The following PCNX3 variants were observed in gnomAD, a reference collection of about 807,000 sequenced individuals.
The protein encoded by PCNX3 is pecanex-like protein 3.
A neutral mutation model predicts 207.2 loss-of-function variants in PCNX3; 58 were observed. That is an observed-to-expected ratio of 0.28 (90% CI 0.23 to 0.35). The LOEUF (loss-of-function observed/expected upper bound fraction) is 0.35. PCNX3 is among the 10% of genes least tolerant of loss of function. PCNX3 has a pLI of 1.00. For synonymous variants in PCNX3, 1,337 were observed against 1,183.5 expected, an observed-to-expected ratio of 1.13 and a Z score of -2.66; for missense variants, 2,410 against 2,774.4, an observed-to-expected ratio of 0.87 and a Z score of 2.95.
chr11:65,626,095 C>T (rs11227242), intron 20 of PCNX3, 41 bp downstream of exon 20: 39,098 of 1,558,144 alleles, frequency 0.025, 572 homozygotes, highest in Middle Eastern at 0.043. Flanking sequence ...GGCAGTGGCT[C>T]GGGCTGCAGC....
chr11:65,617,718 T>C lies in PCNX3; in HGVS notation c.577+12T>C. 1 of 1,554,650 alleles carries C rather than the reference T, an allele frequency of 6.4e-7. No individual in the cohort carries two copies. Among genetic ancestry groups the C allele is most frequent in the Non-Finnish European group, 8.7e-7 (1 of 1,149,420 alleles). ...GCAGGAGAAACTGAGTGCGTGGGCC[T>C]TATGGGGCCGAGGCTTGTGGGCTAG... On this transcript the variant is annotated intron_variant, in intron 5 of 34. Coordinates refer to ENST00000355703, the MANE Select transcript of PCNX3 (RefSeq NM_032223.4).
chr11:65,626,148 G>C, intron 20 of PCNX3, 94 bp downstream of exon 20: 3 of 1,484,718 alleles, frequency 2.0e-6, no homozygotes, highest in Non-Finnish European at 1.8e-6. Flanking sequence ...AGGAGTGCCA[G>C]CAGGGGGCAC....
rs1855307379 is a variant in PCNX3 at position 65,625,015 on chromosome 11, A to G, written c.2918A>G (p.Lys973Arg). Reference sequence around the variant, plus strand: ...TACGGTTTCTGCCTTGGGGCCATCAAGGTAGGGGTGGCTTGCGAGGTGGGG... The same window carrying G: ...TACGGTTTCTGCCTTGGGGCCATCAGGGTAGGGGTGGCTTGCGAGGTGGGG... ...LLYGFCLGAI[K>R]TPWPEQHVPV... Residue 973 changes from lysine (K) to arginine (R), a missense_variant and splice_region_variant, in exon 16 of 35, where the codon AAG becomes AGG. Around this residue, in one of 8 missense-constraint regions of PCNX3, gnomAD observed 333 missense variants for 386.8 expected, o/e 0.86. Transcript: ENST00000355703. This position sits in a 1 kb window ranked among gnomAD's most constrained non-coding sequence, Gnocchi z 5.6. 1 of 1,611,766 alleles carries G rather than the reference A, an allele frequency of 6.2e-7. No homozygotes were observed. Among genetic ancestry groups the G allele is most frequent in the African/African-American group, 1.3e-5 (1 of 74,854 alleles).
chr11:65,620,152 C>G (rs534690136), intron 8 of PCNX3, among the ~76,000 whole-genome samples, 187 bp from the exon 9 acceptor site: 1 of 152,340 alleles, frequency 6.6e-6, no homozygotes, highest in South Asian at 2.1e-4. Flanking sequence ...AGATCTAAAG[C>G]TAGGACAGGT....
In PCNX3 at chr11:65,635,711, G is replaced by C; in HGVS notation, c.5367G>C (p.Ser1789=). 3.1e-6 allele frequency: 5 copies of C among 1,608,974 alleles called. No homozygotes were observed. Among genetic ancestry groups the C allele is most frequent in the Non-Finnish European group, 4.2e-6 (5 of 1,178,150 alleles). Residue 1789 remains serine (S), a synonymous_variant, in exon 32 of 35, where the codon TCG becomes TCC. Transcript: ENST00000355703. The surrounding 1 kb of genome is among the most constrained non-coding windows in gnomAD (Gnocchi z 9.9). Reference sequence around the variant, plus strand: ...TCTACGTGTCGCCTCTCACCACCTCGCTGGCTGGCAGCCACCCCCAGCTAC... The same window carrying C: ...TCTACGTGTCGCCTCTCACCACCTCCCTGGCTGGCAGCCACCCCCAGCTAC... ...YPIYVSPLTT[S]LAGSHPQLRA... is the part of the protein sequence containing the mutation.
rs1350133654 is a variant in PCNX3, at chr11:65,623,476, A to G, written c.2358-15A>G. On this transcript the variant is annotated splice_polypyrimidine_tract_variant and intron_variant, in intron 11 of 34. Transcript: ENST00000355703. ...GAGGCAAGACGGGCACGCCCTGACT[A>G]GGCTGTCCCTGCAGGACGCGGGGAG... 6.3e-7 allele frequency: 1 copy of G among 1,588,578 alleles called. No individual in the cohort carries two copies. The highest frequency in any genetic ancestry group is 2.2e-5 in the East Asian group (1 of 44,642).
chr11:65,627,255 C>CTA, intron 21 of PCNX3, 150 bp from the exon 22 acceptor site: 1 of 1,137,618 alleles, frequency 8.8e-7, no homozygotes, highest in South Asian at 1.6e-5. Context: ...AGAGCAGAGA[C>CTA]TAAGAGTCAC....
chr11:65,616,075 C>T lies in PCNX3; in HGVS notation c.-237C>T. The T allele has an allele frequency of 3.1e-6, 1 of 323,816 alleles. No homozygotes were observed. The highest frequency in any genetic ancestry group is 1.3e-4 in the South Asian group (1 of 7,884). The allele number at this position is 323,816 out of a possible 1,614,324, so 20.1% of individuals were successfully genotyped here. On this transcript the variant is annotated 5_prime_UTR_variant, in exon 1 of 35. Coordinates refer to ENST00000355703, the MANE Select transcript of PCNX3 (RefSeq NM_032223.4). ...TCTGGGCCAGGAGTGGGGACCCGGACCCCGCCCCTGATGCAGCCCCACCCC... is the reference window on the plus strand; with the variant it reads ...TCTGGGCCAGGAGTGGGGACCCGGATCCCGCCCCTGATGCAGCCCCACCCC...
In PCNX3 at chr11:65,634,149, C is replaced by T. The variant is rs1366871089; in HGVS notation, c.4494C>T (p.Arg1498=). ...YVKSIIYYVS[R]SPKLEVWLSH... ...AGAGCATCATCTACTACGTGAGCCG[C>T]TCACCAAAGCTGGAGGTGTGGCTCA... The change falls in exon 28 of 35, where the codon CGC becomes CGT. Residue 1498 remains arginine (R), a synonymous_variant. Transcript: ENST00000355703. 1 of 1,612,998 alleles carries T rather than the reference C, an allele frequency of 6.2e-7. No homozygotes were observed. Among genetic ancestry groups the T allele is most frequent in the South Asian group, 1.1e-5 (1 of 91,026 alleles).
In PCNX3 at chr11:65,618,170, C is replaced by T. The variant is rs763839897; in HGVS notation, c.808C>T (p.Arg270Trp). ...DRALVRTSSR[R>W]EQRRGAGGYQ... ...GGCCCTGGTGAGGACCAGCAGTCGACGGGAACAACGCAGGGGGGCAGGTGG... is the reference window on the plus strand; with the variant it reads ...GGCCCTGGTGAGGACCAGCAGTCGATGGGAACAACGCAGGGGGGCAGGTGG... Residue 270 changes from arginine to tryptophan, a missense_variant, in exon 6 of 35, where the codon CGG becomes TGG. By Grantham distance (101) the Arg-to-Trp change is moderately radical. Transcript: ENST00000355703. The T allele has an allele frequency of 1.6e-5, 26 of 1,606,236 alleles. No homozygotes were observed. The highest frequency in any genetic ancestry group is 1.7e-4 in the Middle Eastern group (1 of 6,036).
Position 65,637,178 on chromosome 11 carries a change from C to A in PCNX3, c.*200C>A. The A allele has an allele frequency of 4.8e-6, 3 of 619,428 alleles. No individual in the cohort carries two copies. The highest frequency in any genetic ancestry group is 8.3e-6 in the Non-Finnish European group (3 of 360,770). 38.4% of individuals were successfully genotyped at this position (619,428 alleles called of 1,614,324 possible). On this transcript the variant is annotated 3_prime_UTR_variant, in exon 35 of 35. Coordinates refer to ENST00000355703, the MANE Select transcript of PCNX3 (RefSeq NM_032223.4). ...GATCTCTCTCATCCCCAGTCCAGGG[C>A]CTGGGCTCCCCAGATGGAGGCAGTC...
chr11:65,629,301 G>A, intron 24 of PCNX3, 56 bp from the exon 25 acceptor site: 1 of 1,541,058 alleles, frequency 6.5e-7, no homozygotes, highest in Non-Finnish European at 8.9e-7. Context: ...CATGAGCAGG[G>A]TGCACCCTCT....
In PCNX3 at chr11:65,635,154, G is replaced by C; in HGVS notation, c.4953+34G>C. 2.5e-6 allele frequency: 4 copies of C among 1,608,034 alleles called. No homozygotes were observed. Among genetic ancestry groups the C allele is most frequent in the Non-Finnish European group, 3.4e-6 (4 of 1,176,110 alleles). On this transcript the variant is annotated intron_variant, in intron 30 of 34. Coordinates refer to ENST00000355703, the MANE Select transcript of PCNX3 (RefSeq NM_032223.4). The surrounding 1 kb of genome is among the most constrained non-coding windows in gnomAD (Gnocchi z 9.9). ...GGGGTGTGCCCAGCAGCATGGGCAG[G>C]TGGGGGATGAAGCCTCTCTCCAGGG...
chr11:65,622,774 T>G (rs959044686), intron 11 of PCNX3, among the ~76,000 whole-genome samples: 1 of 151,970 alleles, frequency 6.6e-6, no homozygotes, highest in African/African-American at 2.4e-5. Flanking sequence ...TTTTGTATTT[T>G]TTTTTTTTTA....
chr11:65,626,382 C>G, intron 20 of PCNX3: 1 of 533,536 alleles, frequency 1.9e-6, no homozygotes, highest in South Asian at 1.6e-5. Flanking sequence ...ACCAGTGGAC[C>G]AGAGCTGCCT....
chr11:65,618,777 A>G lies in PCNX3; in HGVS notation c.1415A>G (p.His472Arg), dbSNP rs547486965. 1.2e-6 allele frequency: 2 copies of G among 1,611,648 alleles called. No homozygotes were observed. Among genetic ancestry groups the G allele is most frequent in the Non-Finnish European group, 1.7e-6 (2 of 1,179,374 alleles). The change falls in exon 6 of 35, where the codon CAT becomes CGT. Residue 472 changes from histidine to arginine, a missense_variant. By Grantham distance (29) the His-to-Arg change is conservative (BLOSUM62 0). Coordinates refer to ENST00000355703, the MANE Select transcript of PCNX3 (RefSeq NM_032223.4). ...AGGPRKRRAPHGAEEGTAVPP... is the reference protein window; with the variant it reads ...AGGPRKRRAPRGAEEGTAVPP... ...GGACCCCGGAAGCGGAGGGCCCCCCATGGGGCTGAGGAGGGAACTGCTGTG... is the reference window on the plus strand; with the variant it reads ...GGACCCCGGAAGCGGAGGGCCCCCCGTGGGGCTGAGGAGGGAACTGCTGTG...
At position 65,628,654 on chromosome 11, in the gene PCNX3, C is replaced by T; in HGVS notation, c.3762C>T (p.Ile1254=). The change falls in exon 23 of 35, where the codon ATC becomes ATT. Residue 1254 remains isoleucine, a synonymous_variant. Transcript: ENST00000355703. The part of the protein sequence containing the change: ...FVLTYIAPWQ[I]TWGSAFHAFA... ...TGACCTACATCGCGCCCTGGCAGAT[C>T]ACCTGGGGCTCGGCTTTCCACGCTT... is the stretch of plus-strand genomic sequence containing the variant. 1 of 1,613,526 alleles carries T rather than the reference C, an allele frequency of 6.2e-7. No homozygotes were observed. Among genetic ancestry groups the T allele is most frequent in the Non-Finnish European group, 8.5e-7 (1 of 1,179,858 alleles).
intron 5 of PCNX3, 101 bp from the exon 6 acceptor site, chr11:65,617,839 T>C (rs1854829169): frequency 8.9e-6 from 13 of 1,463,730 alleles, no homozygotes; most frequent in Admixed American, 8.4e-5. Flanking sequence ...CTGCTGTGGC[T>C]GGGCTCTCAG....
At chr11:65,631,040 C>T (rs550057768) in intron 27 of PCNX3, among the ~76,000 whole-genome samples, 39 of 152,362 alleles carry the variant, frequency 2.6e-4, no homozygotes, top group African/African-American at 9.4e-4. Flanking sequence ...TGGAGTCCCC[C>T]ACCCTTTGAG....
Sources: allele counts gnomAD v4.1 joint callset (sites outside exome capture counted in the v4.1 genomes callset), GRCh38; gene constraint gnomAD v4.1.1; regional missense constraint gnomAD v4.1.1; non-coding constraint Gnocchi (gnomAD v3.1); transcripts MANE v1.5; gene names NCBI Gene and HGNC (gene_info 2026-07-23, HGNC 2026-07-21).